PARD3B: variants seen among roughly 807,000 people sequenced by gnomAD.
The protein encoded by PARD3B is partitioning defective 3 homolog B.
A neutral mutation model predicts 130.2 loss-of-function variants in PARD3B; 103 were observed. The ratio of observed to expected loss-of-function variants is 0.79; its 90% CI spans 0.67 to 0.93. PARD3B has a LOEUF of 0.93. PARD3B is among the 40% of genes least tolerant of loss of function. The pLI is 0.00. For missense variants in PARD3B, 1,609 were observed against 1,499.2 expected (o/e 1.07, Z -1.21); for synonymous variants, 583 against 553.2 (o/e 1.05, Z -0.76).
chr2:204,771,339 C>T (rs2041370062), intron 2 of PARD3B, among the ~76,000 whole-genome samples: 1 of 151,962 alleles, frequency 6.6e-6, no homozygotes, highest in African/African-American at 2.4e-5. Flanking sequence ...GTGTGGTGAC[C>T]ACAGGCACTC....
chr2:205,526,522 T>C (rs914472247), intron 21 of PARD3B, among the ~76,000 whole-genome samples: 1 of 152,204 alleles, frequency 6.6e-6, no homozygotes, highest in Admixed American at 6.5e-5. Flanking sequence ...CAACTCTAAC[T>C]TGATAGCAAG....
intron 2 of PARD3B, among the ~76,000 whole-genome samples, chr2:204,860,613 C>A (rs1429893811): frequency 1.3e-5 from 2 of 152,124 alleles, no homozygotes; most frequent in African/African-American, 4.8e-5. Flanking sequence ...TTGTTAACTG[C>A]AAGGAAAGAG....
intron 18 of PARD3B, among the ~76,000 whole-genome samples, chr2:205,350,987 T>C (rs1476947890): frequency 1.3e-5 from 2 of 152,248 alleles, no homozygotes; most frequent in African/African-American, 4.8e-5. Flanking sequence ...TTAGTACTCT[T>C]ACTAAATTTT....
intron 16 of PARD3B, among the ~76,000 whole-genome samples, chr2:205,251,276 C>T (rs767951833): frequency 6.6e-6 from 1 of 152,050 alleles, no homozygotes; most frequent in Non-Finnish European, 1.5e-5. Flanking sequence ...TGTACATGTA[C>T]AGGAGTGTGT....
intron 1 of PARD3B, among the ~76,000 whole-genome samples, chr2:204,577,770 G>A (rs1260473816): frequency 6.6e-6 from 1 of 151,590 alleles, no homozygotes; most frequent in Non-Finnish European, 1.5e-5. Flanking sequence ...TTTTCTTTAT[G>A]TTTCTCATGC....
At chr2:204,636,302 G>A (rs1048440179) in intron 1 of PARD3B, among the ~76,000 whole-genome samples, 3 of 152,190 alleles carry the variant, frequency 2.0e-5, no homozygotes, top group Middle Eastern at 3.4e-3. Flanking sequence ...TAATTTCAGA[G>A]CGCTGTCTTC....
rs74341236 is a variant in PARD3B at position 205,440,410 on chromosome 2, A to G, written c.2782A>G (p.Arg928Gly). 3.3e-4 allele frequency: 527 copies of G among 1,613,958 alleles called. 3 individuals are homozygous for G. In the African/African-American group the frequency reaches 6.3e-3, roughly 19 times the overall value. Residue 928 changes from arginine (R) to glycine (G), a missense_variant, in exon 20 of 23, where the codon AGA becomes GGA. Physicochemically the swap from Arg to Gly is moderately radical, Grantham distance 125. Coordinates refer to ENST00000406610, the MANE Select transcript of PARD3B (RefSeq NM_001302769.2). This position sits in a 1 kb window ranked among gnomAD's most constrained non-coding sequence, Gnocchi z 4.2. ...TCAGGAGCTAAGGGAAAAGCAGGCA[A>G]GAGGTCTTCTTGATTATGCTACTGG... ...KHQELREKQA[R>G]GLLDYATGAI...
intron 22 of PARD3B, among the ~76,000 whole-genome samples, chr2:205,587,940 C>G (rs1359823811): frequency 1.3e-5 from 2 of 152,224 alleles, no homozygotes; most frequent in Non-Finnish European, 2.9e-5. Flanking sequence ...CCATGCATTC[C>G]TAAAGGGCAG....
intron 2 of PARD3B, among the ~76,000 whole-genome samples, chr2:204,817,460 C>G (rs982955178): frequency 6.6e-6 from 1 of 152,092 alleles, no homozygotes; most frequent in Non-Finnish European, 1.5e-5. Context: ...TGAGCCAATA[C>G]CCTTCTGTGT....
At chr2:204,756,884 A>G (rs78505558) in intron 2 of PARD3B, among the ~76,000 whole-genome samples, 2,041 of 152,162 alleles carry the variant, frequency 0.013, 53 homozygotes, top group African/African-American at 0.047. Context: ...AGTGTACTCA[A>G]TAAGTAGTTT....
rs2125496747 is a variant in PARD3B at position 204,799,605 on chromosome 2, C to T, written c.222+113323C>T. On this transcript the variant is annotated intron_variant, in intron 2 of 22. Coordinates refer to ENST00000406610, the MANE Select transcript of PARD3B (RefSeq NM_001302769.2). This position sits in a 1 kb window ranked among gnomAD's most constrained non-coding sequence, Gnocchi z 4.1. ...CTTCAGGTGTGACACAATGCAGACT[C>T]AGTGGTGGTGGCCACAGGTGTGCTC... 6.6e-6 allele frequency among the ~76,000 whole-genome samples: 1 copy of T among 152,306 alleles called. No homozygotes were observed. Among genetic ancestry groups the T allele is most frequent in the South Asian group, 2.1e-4 (1 of 4,832 alleles).
intron 20 of PARD3B, among the ~76,000 whole-genome samples, chr2:205,453,801 G>A (rs1222312040): frequency 6.6e-6 from 1 of 152,162 alleles, no homozygotes; most frequent in Non-Finnish European, 1.5e-5. Context: ...GCATTGTTTT[G>A]TATTTTTGTT....
intron 18 of PARD3B, among the ~76,000 whole-genome samples, chr2:205,393,325 A>G (rs2045921286): frequency 6.6e-6 from 1 of 152,212 alleles, no homozygotes; most frequent in Non-Finnish European, 1.5e-5. Context: ...GTAAGGAGCT[A>G]TCATGCCTAG....
Position 205,590,102 on chromosome 2 carries a change from C to T in PARD3B, c.3261-25354C>T, listed in dbSNP as rs1001275112. 6.6e-6 allele frequency among the ~76,000 whole-genome samples: 1 copy of T among 152,182 alleles called. No individual in the cohort carries two copies. Among genetic ancestry groups the T allele is most frequent in the African/African-American group, 2.4e-5 (1 of 41,442 alleles). On this transcript the variant is annotated intron_variant, in intron 22 of 22. Coordinates refer to ENST00000406610, the MANE Select transcript of PARD3B (RefSeq NM_001302769.2). The surrounding 1 kb of genome is among the most constrained non-coding windows in gnomAD (Gnocchi z 4.1). The stretch of plus-strand genomic sequence containing the variant: ...GAATATACCAACACATGAATGTACA[C>T]ATGGACAATAGGTAAACATTATTGT...
chr2:204,944,582 A>G (rs2125810395), intron 2 of PARD3B, among the ~76,000 whole-genome samples: 1 of 152,364 alleles, frequency 6.6e-6, no homozygotes, highest in East Asian at 1.9e-4. Flanking sequence ...CTGGCTAATC[A>G]GCCCATCAGC....
chr2:205,561,420 GT>G (rs1314480736), intron 22 of PARD3B, among the ~76,000 whole-genome samples: 6 of 152,166 alleles, frequency 3.9e-5, no homozygotes, highest in Non-Finnish European at 8.8e-5. Context: ...GTGAGTGCTT[GT>G]CTGGGTGTGG....
chr2:205,196,660 G>T (rs1235258714), intron 15 of PARD3B, among the ~76,000 whole-genome samples: 3 of 151,970 alleles, frequency 2.0e-5, no homozygotes, highest in African/African-American at 7.3e-5. Context: ...TATCCATGGG[G>T]TATGAGATGG....
chr2:205,543,204 A>G (rs903009115), intron 21 of PARD3B, among the ~76,000 whole-genome samples: 2 of 152,220 alleles, frequency 1.3e-5, no homozygotes, highest in African/African-American at 4.8e-5. Flanking sequence ...ATCTTAGGTA[A>G]ACCAAATTAA....
chr2:204,650,361 C>G (rs924847454), intron 1 of PARD3B, among the ~76,000 whole-genome samples: 1 of 152,126 alleles, frequency 6.6e-6, no homozygotes. Flanking sequence ...GAGTTAAAAA[C>G]AGAATGACCA....
Sources: gnomAD v4.1 joint callset for allele counts (sites outside exome capture counted in the v4.1 genomes callset) on GRCh38, gnomAD v4.1.1 for gene constraint, Gnocchi (gnomAD v3.1) non-coding constraint, MANE v1.5 for transcripts, NCBI Gene and HGNC (gene_info 2026-07-23, HGNC 2026-07-21) for gene names.